Variants in APMAP observed in about 807,000 individuals in gnomAD.
APMAP encodes the protein adipocyte plasma membrane-associated protein.
Under a neutral mutation model 43.6 loss-of-function variants are expected in APMAP, and 33 were observed. The observed-to-expected ratio is 0.76, with a 90% CI of 0.57 to 1.01. APMAP has a LOEUF of 1.01. Ranked by LOEUF, APMAP falls within the 50% of genes least tolerant of loss-of-function variation. The probability of loss-of-function intolerance (pLI) is 0.00; values close to 1 mark genes in which losing one functional copy is unlikely to be tolerated. For missense variants in APMAP, 498 were observed against 540.7 expected (o/e 0.92, Z 0.78); for synonymous variants, 224 against 216.7 (o/e 1.03, Z -0.30).
intron 8 of APMAP, among the ~76,000 whole-genome samples, chr20:24,965,980 C>T (rs1050827098): frequency 2.0e-5 from 3 of 152,132 alleles, no homozygotes; most frequent in Admixed American, 6.5e-5. Context: ...GTGATGTCTA[C>T]GCGTGCAGGT....
rs1168477702 is a variant in APMAP at position 24,978,710 on chromosome 20, C to T, written c.328+57G>A. The T allele has an allele frequency of 1.8e-5, 18 of 985,512 alleles. No homozygotes were observed. The East Asian group carries it at 4.7e-4, about 26-fold the overall frequency. 61.0% of individuals were successfully genotyped at this position (985,512 alleles called of 1,614,324 possible). A position where few individuals can be genotyped will look rare whatever the true frequency, so the allele number is the denominator to read the frequency against. On this transcript the variant is annotated intron_variant, in intron 3 of 8. Transcript: ENST00000217456. The stretch of plus-strand genomic sequence containing the variant: ...ACTGCAGCTGCTCCCACAGAACCCG[C>T]CCCCTCAGACAACAGACAGCCTGGA...
At chr20:24,970,502 T>C (rs1426458380) in intron 5 of APMAP, 131 bp from the exon 6 acceptor site, 2 of 844,092 alleles carry the variant, frequency 2.4e-6, no homozygotes, top group Non-Finnish European at 3.5e-6. Flanking sequence ...AGAAGATTTA[T>C]TCCTTCTTAT....
chr20:24,978,768 C>T lies in APMAP; in HGVS notation c.327G>A (p.Gly109=), dbSNP rs1183135641. 2 of 1,569,630 alleles carry T rather than the reference C, an allele frequency of 1.3e-6. No homozygotes were observed. Among genetic ancestry groups the T allele is most frequent in the Non-Finnish European group, 1.7e-6 (2 of 1,145,044 alleles). The change falls in exon 3 of 9, where the codon GGG becomes GGA. Residue 109 remains glycine, a splice_region_variant and synonymous_variant. Coordinates refer to ENST00000217456, the MANE Select transcript of APMAP (RefSeq NM_020531.3). The part of the protein sequence containing the change: ...LVGPESIAHI[G]DVMFTGTADG... ...CCCCCCACCCAAGCTTAGACTTACC[C>T]CCAATATGTGCTATGGACTCCGGTC...
At chr20:24,989,208 C>G (rs1044566584) in intron 1 of APMAP, among the ~76,000 whole-genome samples, 1 of 152,152 alleles carries the variant, frequency 6.6e-6, no homozygotes, top group African/African-American at 2.4e-5. Flanking sequence ...TCCAGGAACG[C>G]TGGCAACTTA....
chr20:24,969,223 T>G (rs2087975726), intron 7 of APMAP, 139 bp from the exon 8 acceptor site: 9 of 985,948 alleles, frequency 9.1e-6, no homozygotes, highest in African/African-American at 1.6e-5. Context: ...AAGGCTCAGC[T>G]GCTGAGAAGA....
At chr20:24,965,641 G>A in intron 8 of APMAP, among the ~76,000 whole-genome samples, 1 of 152,206 alleles carries the variant, frequency 6.6e-6, no homozygotes, top group Non-Finnish European at 1.5e-5. Flanking sequence ...GTACACCCAG[G>A]GACAGCCCGG....
At position 24,963,738 on chromosome 20, in the gene APMAP, C is replaced by G; in HGVS notation, c.*75G>C. On this transcript the variant is annotated 3_prime_UTR_variant, in exon 9 of 9. Transcript: ENST00000217456. The stretch of plus-strand genomic sequence containing the variant: ...ACTTGAACCACGACTGTGTCCACAG[C>G]TCCTCCTGGACCAGGCCTGGTGCCT... 6.9e-7 allele frequency: 1 copy of G among 1,455,520 alleles called. No individual in the cohort carries two copies. Among genetic ancestry groups the G allele is most frequent in the Non-Finnish European group, 9.5e-7 (1 of 1,049,078 alleles). 90.2% of individuals were successfully genotyped at this position (1,455,520 alleles called of 1,614,324 possible). A position where few individuals can be genotyped will look rare whatever the true frequency, so the allele number is the denominator to read the frequency against.
intron 2 of APMAP, among the ~76,000 whole-genome samples, chr20:24,979,309 A>G (rs1431532649): frequency 6.6e-6 from 1 of 152,172 alleles, no homozygotes; most frequent in African/African-American, 2.4e-5. Flanking sequence ...TATTTCACAG[A>G]GAAGATGGAA....
intron 2 of APMAP, among the ~76,000 whole-genome samples, chr20:24,982,961 C>T (rs983156082): frequency 1.3e-5 from 2 of 152,112 alleles, no homozygotes; most frequent in African/African-American, 2.4e-5. Flanking sequence ...ACTCTTGGAG[C>T]GGACTAGAGT....
At chr20:24,985,583 A>C (rs1396848367) in intron 1 of APMAP, among the ~76,000 whole-genome samples, 3 of 152,190 alleles carry the variant, frequency 2.0e-5, no homozygotes, top group Non-Finnish European at 4.4e-5. Context: ...GTAATTTGTT[A>C]ATGGCAGCCA....
intron 1 of APMAP, among the ~76,000 whole-genome samples, chr20:24,992,334 G>T (rs1046543030): frequency 1.3e-5 from 2 of 152,220 alleles, no homozygotes; most frequent in African/African-American, 2.4e-5. Flanking sequence ...AGGCGGTCTC[G>T]GGTCCGGAGA....
At chr20:24,974,871 G>A (rs1180633873) in intron 3 of APMAP, among the ~76,000 whole-genome samples, 3 of 152,126 alleles carry the variant, frequency 2.0e-5, no homozygotes, top group Non-Finnish European at 2.9e-5. Context: ...ACTGCAAGGA[G>A]AAACAGAATC....
chr20:24,970,946 C>T (rs762706927), intron 5 of APMAP, among the ~76,000 whole-genome samples: 3 of 152,076 alleles, frequency 2.0e-5, no homozygotes, highest in Non-Finnish European at 2.9e-5. Context: ...GGCCTATGTT[C>T]GGGCCCCCAC....
chr20:24,968,485 CTT>C (rs1413960921), intron 8 of APMAP, among the ~76,000 whole-genome samples: 6 of 152,146 alleles, frequency 3.9e-5, no homozygotes, highest in African/African-American at 1.4e-4. Context: ...CCTGCCGACT[CTT>C]TCCCTGAGGA....
intron 1 of APMAP, among the ~76,000 whole-genome samples, chr20:24,992,295 TGAGGGAGGGAAGGCAAAGGAGCGGCGC>T (rs1291367405): frequency 2.0e-5 from 3 of 149,114 alleles, no homozygotes; most frequent in African/African-American, 7.4e-5. Context: ...GGGGCAGGAG[TGAGGGAGGGAAGGCAAAGGAGCGGCGC>T]GAGGCGGTCT....
chr20:24,978,761 A>C lies in APMAP; in HGVS notation c.328+6T>G. ...AGGCTCCCCCCCCACCCAAGCTTAG[A>C]CTTACCCCCAATATGTGCTATGGAC... is the stretch of plus-strand genomic sequence containing the variant. On this transcript the variant is annotated splice_donor_region_variant and intron_variant, in intron 3 of 8. Coordinates refer to ENST00000217456, the MANE Select transcript of APMAP (RefSeq NM_020531.3). 3.5e-6 allele frequency: 4 copies of C among 1,142,480 alleles called. No individual in the cohort carries two copies. The highest frequency in any genetic ancestry group is 1.7e-5 in the African/African-American group (1 of 58,238). The allele number at this position is 1,142,480 out of a possible 1,614,324, so 70.8% of individuals were successfully genotyped here.
chr20:24,978,940 G>A, intron 2 of APMAP, 58 bp from the exon 3 acceptor site: 1 of 1,383,048 alleles, frequency 7.2e-7, no homozygotes, highest in Non-Finnish European at 1.0e-6. Context: ...AAGAAAATGT[G>A]TACCGAGCAC....
intron 8 of APMAP, among the ~76,000 whole-genome samples, chr20:24,966,847 G>C (rs1568810258): frequency 6.6e-6 from 1 of 152,178 alleles, no homozygotes; most frequent in Non-Finnish European, 1.5e-5. Flanking sequence ...TCACTCAGTG[G>C]TAATGAAGGA....
At chr20:24,967,528 AT>A (rs748294394) in intron 8 of APMAP, among the ~76,000 whole-genome samples, 9 of 152,250 alleles carry the variant, frequency 5.9e-5, no homozygotes, top group Non-Finnish European at 1.0e-4. Context: ...AGGATGACAA[AT>A]GAACTATGCA....
Sources: allele counts gnomAD v4.1 joint callset (sites outside exome capture counted in the v4.1 genomes callset), GRCh38; gene constraint gnomAD v4.1.1; transcripts MANE v1.5; gene names NCBI Gene and HGNC (gene_info 2026-07-23, HGNC 2026-07-21).